The following SS18 variants were observed in gnomAD, a reference collection of about 807,000 sequenced individuals.
SS18 encodes SS18 subunit of BAF chromatin remodeling complex.
A neutral mutation model predicts 72.5 loss-of-function variants in SS18; 28 were observed. The observed-to-expected ratio is 0.39, with a 90% CI of 0.29 to 0.53. The LOEUF (loss-of-function observed/expected upper bound fraction) is 0.53, where lower values mean the gene tolerates loss of function less well. Among genes scored for constraint, SS18 ranks in the 20% least tolerant of loss-of-function variants. SS18 has a pLI of 0.76. For synonymous variants in SS18, 172 were observed against 164.2 expected (o/e 1.05, Z -0.37); for missense variants, 518 against 535.3 (o/e 0.97, Z 0.32).
chr18:26,023,730 GAAA>G, intron 10 of SS18: 1 of 459,168 alleles, frequency 2.2e-6, no homozygotes, highest in South Asian at 2.0e-5. Flanking sequence ...TGCATTTCAA[GAAA>G]TGTTAACATC....
intron 3 of SS18, among the ~76,000 whole-genome samples, chr18:26,058,474 C>T (rs1032159464): frequency 6.6e-6 from 1 of 152,220 alleles, no homozygotes; most frequent in Non-Finnish European, 1.5e-5. Context: ...AGTTTCGCTC[C>T]AATCCCCCAT....
At chr18:26,039,578 G>T in intron 5 of SS18, 122 bp from the exon 6 acceptor site, 1 of 823,226 alleles carries the variant, frequency 1.2e-6, no homozygotes. Flanking sequence ...AGTAAAAACT[G>T]ATTTCAAATA....
chr18:26,060,871 G>A (rs1322737532), intron 3 of SS18, among the ~76,000 whole-genome samples: 1 of 143,036 alleles, frequency 7.0e-6, no homozygotes, highest in Non-Finnish European at 1.5e-5. Context: ...AACGAGAATC[G>A]CTTGCACCTG....
intron 10 of SS18, among the ~76,000 whole-genome samples, chr18:26,032,082 T>C (rs578021659): frequency 6.6e-6 from 1 of 152,094 alleles, no homozygotes; most frequent in Non-Finnish European, 1.5e-5. Context: ...AAACTCTCTA[T>C]CTATACTTTA....
At chr18:26,086,759 T>A (rs2054622239) in intron 2 of SS18, among the ~76,000 whole-genome samples, 1 of 152,224 alleles carries the variant, frequency 6.6e-6, no homozygotes, top group Admixed American at 6.5e-5. Context: ...TTATTAGATA[T>A]AAGCTTTGTT....
chr18:26,072,506 G>A (rs937178389), intron 3 of SS18, among the ~76,000 whole-genome samples: 1 of 152,006 alleles, frequency 6.6e-6, no homozygotes. Context: ...CATTACTAAA[G>A]ATAAGAAGGG....
intron 3 of SS18, among the ~76,000 whole-genome samples, chr18:26,059,532 T>C (rs990097815): frequency 2.0e-5 from 3 of 152,166 alleles, no homozygotes; most frequent in South Asian, 2.1e-4. Flanking sequence ...CTCACTGATA[T>C]GGAGACAAAG....
intron 1 of SS18, among the ~76,000 whole-genome samples, chr18:26,087,910 C>G (rs547870436): frequency 6.6e-6 from 1 of 152,088 alleles, no homozygotes; most frequent in Non-Finnish European, 1.5e-5. Flanking sequence ...AATTTCATTA[C>G]GTACTGTTTA....
intron 3 of SS18, among the ~76,000 whole-genome samples, chr18:26,071,730 T>C (rs138837674): frequency 6.6e-6 from 1 of 152,146 alleles, no homozygotes; most frequent in Non-Finnish European, 1.5e-5. Flanking sequence ...CAGGAGGCTA[T>C]GGCAGGAAGA....
At chr18:26,061,129 C>A (rs1374739689) in intron 3 of SS18, among the ~76,000 whole-genome samples, 1 of 152,132 alleles carries the variant, frequency 6.6e-6, no homozygotes, top group East Asian at 1.9e-4. Flanking sequence ...CTGGCTAACA[C>A]GGTGAAACCC....
intron 10 of SS18, among the ~76,000 whole-genome samples, chr18:26,019,184 C>T (rs1448149420): frequency 6.6e-6 from 1 of 151,936 alleles, no homozygotes; most frequent in Non-Finnish European, 1.5e-5. Context: ...ATCTTTTCCT[C>T]TAAAACAGAA....
At chr18:26,061,832 G>A (rs993388180) in intron 3 of SS18, among the ~76,000 whole-genome samples, 4 of 152,156 alleles carry the variant, frequency 2.6e-5, no homozygotes, top group African/African-American at 9.7e-5. Context: ...TGGAAGCATA[G>A]AACTAGAGGA....
rs1404058611 is a variant in SS18 at position 26,018,279 on chromosome 18, C to A, written c.*75G>T. ...TAGATGGAATGGAAGGATCTCTTCA[C>A]AGGGAGGTGTCCACAGTGCTGAGGT... On this transcript the variant is annotated 3_prime_UTR_variant, in exon 11 of 11. Coordinates refer to ENST00000415083, the MANE Select transcript of SS18 (RefSeq NM_001007559.3). 15 of 1,278,642 alleles carry A rather than the reference C, an allele frequency of 1.2e-5. No homozygotes were observed. Among genetic ancestry groups the A allele is most frequent in the Non-Finnish European group, 1.7e-5 (15 of 895,390 alleles). 79.2% of individuals were successfully genotyped at this position (1,278,642 alleles called of 1,614,324 possible).
At chr18:26,049,435 T>G (rs529974814) in intron 5 of SS18, among the ~76,000 whole-genome samples, 8 of 152,222 alleles carry the variant, frequency 5.3e-5, no homozygotes, top group Admixed American at 5.2e-4. Context: ...ATAGAGCTTG[T>G]TGAATTCTAG....
chr18:26,028,087 T>C (rs898938875), intron 10 of SS18, among the ~76,000 whole-genome samples: 21 of 152,032 alleles, frequency 1.4e-4, no homozygotes, highest in Non-Finnish European at 3.1e-4. Flanking sequence ...CAAAGGCCTC[T>C]TAATACTCAA....
At chr18:26,058,592 T>A (rs542696865) in intron 3 of SS18, among the ~76,000 whole-genome samples, 1 of 152,376 alleles carries the variant, frequency 6.6e-6, no homozygotes, top group Non-Finnish European at 1.5e-5. Flanking sequence ...CATTTAAAAA[T>A]GGCCAGTTAC....
At chr18:26,086,823 T>G (rs941575014) in intron 2 of SS18, among the ~76,000 whole-genome samples, 4 of 152,168 alleles carry the variant, frequency 2.6e-5, no homozygotes, top group African/African-American at 9.7e-5. Flanking sequence ...AGATCTAACT[T>G]TCCCACAGAT....
At chr18:26,090,739 A>G, upstream of SS18, 1 of 667,984 alleles carries the variant, frequency 1.5e-6, no homozygotes, top group Non-Finnish European at 2.5e-6. Flanking sequence ...CACTCTGGCC[A>G]GGGATGTCTC....
intron 3 of SS18, among the ~76,000 whole-genome samples, chr18:26,066,136 G>A (rs1164513721): frequency 1.3e-5 from 2 of 151,766 alleles, no homozygotes; most frequent in African/African-American, 4.8e-5. Context: ...TTTCAAATGT[G>A]TTTGTGTAAT....
Sources: allele counts gnomAD v4.1 joint callset (sites outside exome capture counted in the v4.1 genomes callset), GRCh38; gene constraint gnomAD v4.1.1; transcripts MANE v1.5; gene names NCBI Gene and HGNC (gene_info 2026-07-23, HGNC 2026-07-21).